LPL: variants seen among roughly 807,000 people sequenced by gnomAD.
LPL encodes phospholipase A1.
A neutral mutation model predicts 52.2 loss-of-function variants in LPL; 43 were observed. That is an observed-to-expected ratio of 0.82 (90% CI 0.64 to 1.06). The LOEUF (loss-of-function observed/expected upper bound fraction) is 1.06, where lower values mean the gene tolerates loss of function less well. LPL is among the 50% of genes least tolerant of loss of function. The probability of loss-of-function intolerance (pLI) is 0.00; values close to 1 mark genes in which losing one functional copy is unlikely to be tolerated. For synonymous variants in LPL, 244 were observed against 215.6 expected (o/e 1.13, Z -1.15); for missense variants, 639 against 585.3 (o/e 1.09, Z -0.95).
At chr8:19,961,391 G>T (rs1267548468) in intron 8 of LPL, among the ~76,000 whole-genome samples, 1 of 151,864 alleles carries the variant, frequency 6.6e-6, no homozygotes, top group Non-Finnish European at 1.5e-5. Flanking sequence ...ACTGTTTCTT[G>T]TAAGTACAAA....
At chr8:19,964,070 A>G (rs1274736348) in intron 9 of LPL, among the ~76,000 whole-genome samples, 1 of 151,940 alleles carries the variant, frequency 6.6e-6, no homozygotes, top group Non-Finnish European at 1.5e-5. Flanking sequence ...CTCCTGCCTC[A>G]GCCTCCCAAG....
chr8:19,939,548 TC>T lies in LPL; in HGVS notation c.88+24del. The T allele has an allele frequency of 6.2e-7, 1 of 1,600,154 alleles. No individual in the cohort carries two copies. The highest frequency in any genetic ancestry group is 8.5e-7 in the Non-Finnish European group (1 of 1,174,724). On this transcript the variant is annotated intron_variant, in intron 1 of 9. Transcript: ENST00000650287. This position sits in a 1 kb window ranked among gnomAD's most constrained non-coding sequence, Gnocchi z 4.0. ...CCGACCGTAAGTTTTGCGCGCAAAC[TC>T]CCCTCCACCTGCAGACCCGGCGGGT...
chr8:19,959,924 G>A (rs1415138321), intron 7 of LPL, among the ~76,000 whole-genome samples: 1 of 151,448 alleles, frequency 6.6e-6, no homozygotes, highest in Non-Finnish European at 1.5e-5. Flanking sequence ...GAGTAGCTGG[G>A]GCTGCAGGTG....
chr8:19,942,013 G>C (rs911811491), intron 1 of LPL, among the ~76,000 whole-genome samples: 3 of 152,188 alleles, frequency 2.0e-5, no homozygotes, highest in African/African-American at 4.8e-5. Flanking sequence ...TGTCTTCTGA[G>C]TTGAACATGA....
At position 19,948,197 on chromosome 8, in the gene LPL, G is replaced by A. The variant is rs1801177; in HGVS notation, c.106G>A (p.Asp36Asn). ...AAADQRRDFI[D>N]IESKFALRTP... is the part of the protein sequence containing the mutation. ...CTTTCCAGAAAGAAGAGATTTTATC[G>A]ACATCGAAAGTAAATTTGCCCTAAG... The change falls in exon 2 of 10, where the codon GAC becomes AAC. Residue 36 changes from aspartate (D) to asparagine (N), a missense_variant. Physicochemically the swap from Asp to Asn is conservative, Grantham distance 23. Coordinates refer to ENST00000650287, the MANE Select transcript of LPL (RefSeq NM_000237.3). 26,815 of 1,613,866 alleles carry A rather than the reference G, an allele frequency of 0.017. 327 individuals are homozygous for A. Among genetic ancestry groups the A allele is most frequent in the African/African-American group, 0.047 (3,538 of 74,958 alleles).
rs1277990735 is a variant in LPL, at chr8:19,960,931, C to T, written c.1170C>T (p.Ser390=). 15 of 1,613,822 alleles carry T rather than the reference C, an allele frequency of 9.3e-6. No individual in the cohort carries two copies. The highest frequency in any genetic ancestry group is 1.1e-5 in the Non-Finnish European group (13 of 1,179,940). The change falls in exon 8 of 10, where the codon TCC becomes TCT. Residue 390 remains serine (S), a synonymous_variant. Transcript: ENST00000650287. Reference sequence around the variant, plus strand: ...AAGTTTCCACAAATAAGACCTACTCCTTCCTAATTTACACAGAGGTAGATA... The same window carrying T: ...AAGTTTCCACAAATAAGACCTACTCTTTCCTAATTTACACAGAGGTAGATA... ...LPEVSTNKTY[S]FLIYTEVDIG...
chr8:19,966,570 T>C lies in LPL; in HGVS notation c.*1260T>C, dbSNP rs1410857012. 1 of 152,178 alleles carries C rather than the reference T, an allele frequency of 6.6e-6. No homozygotes were observed. The highest frequency in any genetic ancestry group is 1.5e-5 in the Non-Finnish European group (1 of 68,050). 9.4% of individuals were successfully genotyped at this position (152,178 alleles called of 1,614,324 possible). On this transcript the variant is annotated 3_prime_UTR_variant, in exon 10 of 10. Coordinates refer to ENST00000650287, the MANE Select transcript of LPL (RefSeq NM_000237.3). ...TATGAAATGATAAAGATGTCAAATA[T>C]CTCAGAGGCTATAGCTGGGAACCCG...
rs1305728617 is a variant in LPL at position 19,944,519 on chromosome 8, T to A, written c.89-3661T>A. Among the ~76,000 whole-genome samples, 1 of 152,068 alleles carries A rather than the reference T, an allele frequency of 6.6e-6. No individual in the cohort carries two copies. Among genetic ancestry groups the A allele is most frequent in the Admixed American group, 6.6e-5 (1 of 15,260 alleles). On this transcript the variant is annotated intron_variant, in intron 1 of 9. Transcript: ENST00000650287. This position sits in a 1 kb window ranked among gnomAD's most constrained non-coding sequence, Gnocchi z 4.2. ...AATTCCAAAGAGAATTGCATTCTCA[T>A]TGAGTTCTTGTACCTCATGTCATTG...
At chr8:19,956,613 C>T (rs921154964) in intron 6 of LPL, among the ~76,000 whole-genome samples, 7 of 152,124 alleles carry the variant, frequency 4.6e-5, no homozygotes, top group African/African-American at 1.7e-4. Flanking sequence ...CTCCTCCCAC[C>T]CTCTGGGAGG....
At chr8:19,943,979 G>T (rs542498550) in intron 1 of LPL, among the ~76,000 whole-genome samples, 27 of 152,256 alleles carry the variant, frequency 1.8e-4, no homozygotes, top group African/African-American at 6.0e-4. Flanking sequence ...ATGAGGTCGG[G>T]AGTTCAAGAC....
rs1451873867 is a variant in LPL, at chr8:19,960,945, C to T, written c.1184C>T (p.Thr395Ile). 1.9e-6 allele frequency: 3 copies of T among 1,613,876 alleles called. No individual in the cohort carries two copies. The highest frequency in any genetic ancestry group is 3.3e-5 in the Admixed American group (2 of 59,992). Residue 395 changes from threonine to isoleucine, a missense_variant, in exon 8 of 10, where the codon ACA (threonine) becomes ATA (isoleucine). Coordinates refer to ENST00000650287, the MANE Select transcript of LPL (RefSeq NM_000237.3). ...TNKTYSFLIY[T>I]EVDIGELLML... Reference sequence around the variant, plus strand: ...AAGACCTACTCCTTCCTAATTTACACAGAGGTAGATATTGGAGAACTACTC... The same window carrying T: ...AAGACCTACTCCTTCCTAATTTACATAGAGGTAGATATTGGAGAACTACTC...
chr8:19,939,343 AGCGCC>A lies in LPL; in HGVS notation c.-97_-93del. 8.4e-7 allele frequency: 1 copy of A among 1,193,140 alleles called. No homozygotes were observed. The highest frequency in any genetic ancestry group is 1.2e-6 in the Non-Finnish European group (1 of 831,126). The allele number at this position is 1,193,140 out of a possible 1,614,324, so 73.9% of individuals were successfully genotyped here. On this transcript the variant is annotated 5_prime_UTR_variant, in exon 1 of 10. Transcript: ENST00000650287. The surrounding 1 kb of genome is among the most constrained non-coding windows in gnomAD (Gnocchi z 4.0). The stretch of plus-strand genomic sequence containing the variant: ...ATCCCCTTTAAAGGGCGACTTGCTC[AGCGCC>A]AAACCGCGGCTCCAGCCCTCTCCAG...
intron 6 of LPL, among the ~76,000 whole-genome samples, chr8:19,958,765 T>C (rs1305074758): frequency 1.3e-5 from 2 of 152,152 alleles, no homozygotes; most frequent in South Asian, 4.1e-4. Flanking sequence ...AGCATGGGCA[T>C]GATCCTGTGA....
Position 19,957,988 on chromosome 8 carries a change from T to A in LPL, c.1019-1272T>A, listed in dbSNP as rs1249453845. On this transcript the variant is annotated intron_variant, in intron 6 of 9. Transcript: ENST00000650287. The stretch of plus-strand genomic sequence containing the variant: ...AGAAGAAAAAACATTCCAAGAATTA[T>A]TTTATTTATTTATTTATTTATTTAT... 1.6e-4 allele frequency among the ~76,000 whole-genome samples: 22 copies of A among 140,808 alleles called. 1 individual carries two copies. Among genetic ancestry groups the A allele is most frequent in the African/African-American group, 5.8e-4 (22 of 37,996 alleles). 92.4% of individuals were successfully genotyped at this position (140,808 alleles called of 152,430 possible). A position where few individuals can be genotyped will look rare whatever the true frequency, so the allele number is the denominator to read the frequency against.
Position 19,948,384 on chromosome 8 carries a change from T to C in LPL, c.249+44T>C, listed in dbSNP as rs1590139492. ...GGAAGAGTGGATTGGGGTGGTGAGG[T>C]ATCCTGACTGGCCTGCCCAATTGTT... is the stretch of plus-strand genomic sequence containing the variant. On this transcript the variant is annotated intron_variant, in intron 2 of 9. Transcript: ENST00000650287. 5 of 1,609,570 alleles carry C rather than the reference T, an allele frequency of 3.1e-6. No individual in the cohort carries two copies. In the East Asian group the frequency reaches 1.1e-4, roughly 36 times the overall value.
At position 19,939,836 on chromosome 8, in the gene LPL, C is replaced by T. The variant is rs1297738768; in HGVS notation, c.88+308C>T. 9.8e-5 allele frequency among the ~76,000 whole-genome samples: 15 copies of T among 152,288 alleles called. 1 individual carries two copies. Among genetic ancestry groups the T allele is most frequent in the Admixed American group, 9.8e-4 (15 of 15,306 alleles). On this transcript the variant is annotated intron_variant, in intron 1 of 9. Coordinates refer to ENST00000650287, the MANE Select transcript of LPL (RefSeq NM_000237.3). This position sits in a 1 kb window ranked among gnomAD's most constrained non-coding sequence, Gnocchi z 4.0. Reference sequence around the variant, plus strand: ...CTCGCAGGCTCCGCCGGGGAGGTTCCGGGGTGTGGGGGCCGGGACGGCGGA... The same window carrying T: ...CTCGCAGGCTCCGCCGGGGAGGTTCTGGGGTGTGGGGGCCGGGACGGCGGA...
At chr8:19,942,226 A>C (rs2069847051) in intron 1 of LPL, among the ~76,000 whole-genome samples, 1 of 152,198 alleles carries the variant, frequency 6.6e-6, no homozygotes, top group South Asian at 2.1e-4. Flanking sequence ...CATAGAGTTT[A>C]CTGCCTTATG....
Position 19,950,938 on chromosome 8 carries a change from G to A in LPL, c.250-831G>A, listed in dbSNP as rs1213574778. Among the ~76,000 whole-genome samples the A allele has an allele frequency of 6.6e-6, 1 of 150,506 alleles. No individual in the cohort carries two copies. The highest frequency in any genetic ancestry group is 1.5e-5 in the Non-Finnish European group (1 of 67,580). On this transcript the variant is annotated intron_variant, in intron 2 of 9. Coordinates refer to ENST00000650287, the MANE Select transcript of LPL (RefSeq NM_000237.3). This position sits in a 1 kb window ranked among gnomAD's most constrained non-coding sequence, Gnocchi z 4.2. ...GGAATGAAGGAAGGAAGGAAGGGAG[G>A]GAGGAAGAAAGGAAGGAAGAACAAA... is the stretch of plus-strand genomic sequence containing the variant.
rs554616675 is a variant in LPL, at chr8:19,943,750, A to G, written c.88+4222A>G. On this transcript the variant is annotated intron_variant, in intron 1 of 9. Transcript: ENST00000650287. ...GGTCTCATTCAGTGGGGCAATTTTA[A>G]TACACATCTCTGAACCTATTTTTTA... is the stretch of plus-strand genomic sequence containing the variant. 2.0e-5 allele frequency among the ~76,000 whole-genome samples: 3 copies of G among 152,320 alleles called. No individual in the cohort carries two copies. The South Asian group carries it at 6.2e-4, about 32-fold the overall frequency.
Sources: gnomAD v4.1 joint callset for allele counts (sites outside exome capture counted in the v4.1 genomes callset) on GRCh38, gnomAD v4.1.1 for gene constraint, Gnocchi (gnomAD v3.1) non-coding constraint, MANE v1.5 for transcripts, NCBI Gene and HGNC (gene_info 2026-07-23, HGNC 2026-07-21) for gene names.